HERC3: variants seen among roughly 807,000 people sequenced by gnomAD.
The protein encoded by HERC3 is HECT and RLD domain containing E3 ubiquitin protein ligase 3.
A neutral mutation model predicts 129.9 loss-of-function variants in HERC3; 58 were observed. The observed-to-expected ratio is 0.45, with a 90% confidence interval of 0.36 to 0.56. HERC3 has a LOEUF of 0.56. HERC3 is among the 20% of genes least tolerant of loss of function. The pLI is 0.00. For synonymous variants in HERC3, 430 were observed against 451.0 expected (o/e 0.95, Z 0.59); for missense variants, 835 against 1,244.2 (o/e 0.67, Z 4.95).
Position 88,662,395 on chromosome 4 carries a change from A to C in HERC3, c.1147-36A>C, listed in dbSNP as rs1730583129. On this transcript the variant is annotated intron_variant, in intron 10 of 25. Coordinates refer to ENST00000402738, the MANE Select transcript of HERC3 (RefSeq NM_014606.3). ...AGAGGAGACAAGATCCATGCTACAT[A>C]ATTTCTTCTTTTTACTGTTACATTT... 4.4e-6 allele frequency: 7 copies of C among 1,581,756 alleles called. No individual in the cohort carries two copies. In the East Asian group the frequency reaches 1.6e-4, roughly 35 times the overall value.
At chr4:88,646,570 G>T (rs1728711835) in intron 3 of HERC3, among the ~76,000 whole-genome samples, 1 of 152,192 alleles carries the variant, frequency 6.6e-6, no homozygotes, top group Non-Finnish European at 1.5e-5. Flanking sequence ...GTGGGTTGAG[G>T]TTCCATCATC....
Position 88,697,767 on chromosome 4 carries a change from G to GCCGCAGAGGTCTAGGAGGGCTC in HERC3, c.2658-6321_2658-6300dup, listed in dbSNP as rs143993487. The GCCGCAGAGGTCTAGGAGGGCTC allele has an allele frequency of 8.1e-6, 13 of 1,597,950 alleles. No individual in the cohort carries two copies. The East Asian group carries it at 2.0e-4, about 25-fold the overall frequency. On this transcript the variant is annotated intron_variant, in intron 23 of 25. Coordinates refer to ENST00000402738, the MANE Select transcript of HERC3 (RefSeq NM_014606.3). ...CCGAGTCGGCCATGTTAGAGGAGAA[G>GCCGCAGAGGTCTAGGAGGGCTC]CCGCAGAGGTCTAGGAGGGCTCCCG...
the HERC3 span, among the ~76,000 whole-genome samples, chr4:88,553,522 T>A: frequency 3.3e-5 from 5 of 152,194 alleles, no homozygotes; most frequent in African/African-American, 7.2e-5. Flanking sequence ...GAAAAGAGAA[T>A]GAAAATTATT....
upstream of HERC3, among the ~76,000 whole-genome samples, chr4:88,588,982 T>C (rs1010294550): frequency 2.0e-5 from 3 of 152,122 alleles, no homozygotes; most frequent in African/African-American, 7.2e-5. Context: ...GGCAGCAGGA[T>C]TGCTTGAGTC....
chr4:88,581,292 A>C, the HERC3 span, among the ~76,000 whole-genome samples: 2 of 141,778 alleles, frequency 1.4e-5, no homozygotes, highest in Non-Finnish European at 3.0e-5. Context: ...TTATTTACTT[A>C]TTATTATTAT....
chr4:88,536,629 A>G, the HERC3 span, among the ~76,000 whole-genome samples: 1 of 152,212 alleles, frequency 6.6e-6, no homozygotes, highest in East Asian at 1.9e-4. Flanking sequence ...TATATGTTTA[A>G]TAAACACTTG....
At chr4:88,660,577 G>A (rs1007599094) in intron 10 of HERC3, among the ~76,000 whole-genome samples, 1 of 152,190 alleles carries the variant, frequency 6.6e-6, no homozygotes, top group Non-Finnish European at 1.5e-5. Flanking sequence ...GAGGGAAGGA[G>A]TTATATTCAG....
At chr4:88,595,100 CAAAAAAAAAA>C (rs758727600) in intron 1 of HERC3, among the ~76,000 whole-genome samples, 2 of 60,084 alleles carry the variant, frequency 3.3e-5, no homozygotes, top group Non-Finnish European at 5.7e-5. Flanking sequence ...GACTCTGTCT[CAAAAAAAAAA>C]AAAAAAAAAA....
At chr4:88,661,402 G>C (rs867774007) in intron 10 of HERC3, among the ~76,000 whole-genome samples, 1 of 152,094 alleles carries the variant, frequency 6.6e-6, no homozygotes, top group East Asian at 1.9e-4. Context: ...ATAATGATAC[G>C]TTAACTTGAA....
the HERC3 span, among the ~76,000 whole-genome samples, chr4:88,530,295 G>GAAAAAAAA: frequency 8.6e-5 from 11 of 127,918 alleles, no homozygotes; most frequent in East Asian, 2.5e-3. Context: ...GTCTCCAAAA[G>GAAAAAAAA]AAAAAAAAAA....
At chr4:88,588,636 G>T (rs566989425), upstream of HERC3, among the ~76,000 whole-genome samples, 8 of 152,262 alleles carry the variant, frequency 5.3e-5, no homozygotes, top group African/African-American at 1.9e-4. Context: ...TTTCATCCAA[G>T]ATATCAGAAA....
intron 23 of HERC3, among the ~76,000 whole-genome samples, chr4:88,694,579 T>A (rs912014838): frequency 6.6e-6 from 1 of 152,218 alleles, no homozygotes; most frequent in Middle Eastern, 3.2e-3. Flanking sequence ...GGTAAAAATC[T>A]AAACTGTTTC....
chr4:88,618,546 G>T (rs190297581), intron 3 of HERC3, among the ~76,000 whole-genome samples: 53 of 152,282 alleles, frequency 3.5e-4, no homozygotes, highest in African/African-American at 1.2e-3. Context: ...TAAAGAGCTG[G>T]TTTTTTTATT....
intron 7 of HERC3, among the ~76,000 whole-genome samples, chr4:88,654,476 G>T (rs1729671160): frequency 7.2e-6 from 1 of 139,798 alleles, no homozygotes. Flanking sequence ...TAAATATAAT[G>T]TATATATTTA....
At chr4:88,609,917 G>T (rs190710960) in intron 3 of HERC3, among the ~76,000 whole-genome samples, 1 of 152,164 alleles carries the variant, frequency 6.6e-6, no homozygotes, top group Non-Finnish European at 1.5e-5. Flanking sequence ...TGCTAAACAA[G>T]GTGTGGATTA....
the HERC3 span, among the ~76,000 whole-genome samples, chr4:88,585,132 C>T: frequency 6.6e-6 from 1 of 152,192 alleles, no homozygotes; most frequent in African/African-American, 2.4e-5. Flanking sequence ...GGCTAGCTAC[C>T]TCTATAGGGT....
intron 23 of HERC3, among the ~76,000 whole-genome samples, chr4:88,700,579 C>T (rs1367838520): frequency 6.6e-6 from 1 of 152,144 alleles, no homozygotes; most frequent in Non-Finnish European, 1.5e-5. Context: ...TACCTATTTC[C>T]TCATTTCAAA....
At chr4:88,639,934 A>G (rs985585074) in intron 3 of HERC3, among the ~76,000 whole-genome samples, 1 of 152,184 alleles carries the variant, frequency 6.6e-6, no homozygotes, top group Non-Finnish European at 1.5e-5. Context: ...TGAACAGACA[A>G]TTCAGTAAGG....
At chr4:88,579,635 G>T in the HERC3 span, among the ~76,000 whole-genome samples, 1 of 152,190 alleles carries the variant, frequency 6.6e-6, no homozygotes, top group Non-Finnish European at 1.5e-5. Flanking sequence ...AGGACCAGAA[G>T]TAGGGTTGAG....
Sources: gnomAD v4.1 joint callset for allele counts (sites outside exome capture counted in the v4.1 genomes callset) on GRCh38, gnomAD v4.1.1 for gene constraint, MANE v1.5 for transcripts, NCBI Gene and HGNC (gene_info 2026-07-23, HGNC 2026-07-21) for gene names.